Variants in HERC2 observed in about 807,000 individuals in gnomAD.
HERC2 encodes E3 ubiquitin-protein ligase HERC2.
Under a neutral mutation model 537.7 loss-of-function variants are expected in HERC2, and 102 were observed. That is an observed-to-expected ratio of 0.19 (90% CI 0.16 to 0.22). The LOEUF (loss-of-function observed/expected upper bound fraction) is 0.22. Among genes scored for constraint, HERC2 ranks in the 10% least tolerant of loss-of-function variants. The pLI, the probability that HERC2 is intolerant of heterozygous loss-of-function variation, is 1.00. For missense variants in HERC2, 4,236 were observed against 6,198.2 expected (o/e 0.68, Z 10.63); for synonymous variants, 2,224 against 2,466.2 (o/e 0.90, Z 2.91).
intron 39 of HERC2, 81 bp from the exon 40 acceptor site, chr15:28,214,883 AT>A: frequency 1.6e-6 from 2 of 1,266,748 alleles, no homozygotes; most frequent in African/African-American, 1.5e-5. Context: ...TTTATTTTTT[AT>A]TTTTTTGAGA....
chr15:28,243,016 C>T (rs1319287663), intron 23 of HERC2, among the ~76,000 whole-genome samples: 3 of 152,302 alleles, frequency 2.0e-5, no homozygotes, highest in Admixed American at 2.0e-4. Context: ...TACACTGTCA[C>T]CATTTCTACT....
Position 28,270,293 on chromosome 15 carries a change from GATATATA to G in HERC2, c.1257+395_1257+401del, listed in dbSNP as rs769991545. On this transcript the variant is annotated intron_variant, in intron 10 of 92. Transcript: ENST00000261609. ...GACAGACAGACAGACATGTAATATA[GATATATA>G]ATATATAATATATAACATATAATTA... is the stretch of plus-strand genomic sequence containing the variant. 2.9e-3 allele frequency among the ~76,000 whole-genome samples: 444 copies of G among 150,838 alleles called. 8 individuals carry two copies. The highest frequency in any genetic ancestry group is 3.5e-3 in the Non-Finnish European group (234 of 67,770).
At chr15:28,114,446 G>A (rs764951190) in intron 90 of HERC2, among the ~76,000 whole-genome samples, 166 bp downstream of exon 90, 26 of 152,248 alleles carry the variant, frequency 1.7e-4, no homozygotes, top group Middle Eastern at 3.4e-3. Context: ...AATAAATACC[G>A]ACCCTGATCA....
At chr15:28,187,127 G>A (rs76297514) in intron 55 of HERC2, among the ~76,000 whole-genome samples, 71 of 152,170 alleles carry the variant, frequency 4.7e-4, no homozygotes, top group Non-Finnish European at 6.0e-4. Context: ...ACCTTTCATC[G>A]TTTTTAAAAC....
chr15:28,170,605 A>G (rs550759406), intron 65 of HERC2, among the ~76,000 whole-genome samples: 7 of 152,370 alleles, frequency 4.6e-5, no homozygotes, highest in African/African-American at 1.7e-4. Flanking sequence ...ACTAGGCAAA[A>G]ATATACTTAG....
rs749156070 is a variant in HERC2 at position 28,167,765 on chromosome 15, G to A, written c.10476C>T (p.Ser3492=). The A allele has an allele frequency of 2.2e-5, 35 of 1,614,180 alleles. No individual in the cohort carries two copies. The East Asian group carries it at 2.5e-4, about 11-fold the overall frequency. ...SAVTPSAPSA[S]ARPFIPVTDD... The stretch of plus-strand genomic sequence containing the variant: ...CCGTCACTGGGATAAAAGGCCGAGC[G>A]GAGGCTGAGGGGGCCGACGGAGTCA... The change falls in exon 68 of 93, where the codon TCC becomes TCT. Residue 3492 remains serine (S), a synonymous_variant. Coordinates refer to ENST00000261609, the MANE Select transcript of HERC2 (RefSeq NM_004667.6).
intron 21 of HERC2, among the ~76,000 whole-genome samples, chr15:28,247,421 C>CTT (rs71132843): frequency 6.7e-3 from 511 of 76,136 alleles, no homozygotes; most frequent in Admixed American, 8.9e-3. Context: ...CTACATGGTT[C>CTT]TTTTTTTTTT....
At position 28,163,255 on chromosome 15, in the gene HERC2, G is replaced by A. The variant is rs754366545; in HGVS notation, c.10585C>T (p.Pro3529Ser). ...DVESQNKAAG[P>S]EPQALDEFTS... ...AACTCATCCAAGGCCTGAGGCTCCGGACCTGCTGCTTTATTTTGGCTTTCA... is the reference window on the plus strand; with the variant it reads ...AACTCATCCAAGGCCTGAGGCTCCGAACCTGCTGCTTTATTTTGGCTTTCA... Residue 3529 changes from proline (P) to serine (S), a missense_variant, in exon 69 of 93, where the codon CCG becomes TCG. This residue lies in a region of HERC2 where 356 missense variants were observed against 450.9 expected (regional missense o/e 0.79). Coordinates refer to ENST00000261609, the MANE Select transcript of HERC2 (RefSeq NM_004667.6). 6.2e-7 allele frequency: 1 copy of A among 1,613,494 alleles called. No individual in the cohort carries two copies. Among genetic ancestry groups the A allele is most frequent in the Non-Finnish European group, 8.5e-7 (1 of 1,179,988 alleles).
chr15:28,258,657 A>G (rs2140913202), intron 16 of HERC2, among the ~76,000 whole-genome samples: 2 of 152,332 alleles, frequency 1.3e-5, no homozygotes, highest in Middle Eastern at 6.8e-3. Context: ...CTAAATCAGC[A>G]ATCTAAGTTT....
intron 26 of HERC2, among the ~76,000 whole-genome samples, chr15:28,235,273 C>G (rs1335778734): frequency 6.6e-6 from 1 of 152,152 alleles, no homozygotes; most frequent in Non-Finnish European, 1.5e-5. Context: ...GACAGCCCCT[C>G]CTTACTGCTC....
intron 23 of HERC2, among the ~76,000 whole-genome samples, chr15:28,245,561 ATAT>A (rs1273546272): frequency 7.2e-5 from 6 of 82,994 alleles, no homozygotes; most frequent in African/African-American, 2.6e-4. Flanking sequence ...AAAAAAAAAA[ATAT>A]ATACACACAC....
intron 4 of HERC2, among the ~76,000 whole-genome samples, chr15:28,291,875 A>G (rs1469571497): frequency 7.6e-6 from 1 of 132,386 alleles, no homozygotes; most frequent in East Asian, 2.3e-4. Flanking sequence ...ACTGTACTCC[A>G]GCCTGGGCGA....
At chr15:28,166,038 A>G (rs1894105905) in intron 68 of HERC2, among the ~76,000 whole-genome samples, 1 of 152,216 alleles carries the variant, frequency 6.6e-6, no homozygotes, top group South Asian at 2.1e-4. Flanking sequence ...AAAGTAAGGA[A>G]ATACTCAAAG....
At chr15:28,168,060 T>C (rs1182763484) in intron 67 of HERC2, among the ~76,000 whole-genome samples, 1 of 152,168 alleles carries the variant, frequency 6.6e-6, no homozygotes. Flanking sequence ...TAACTATTAA[T>C]ATTCACAGCA....
intron 39 of HERC2, among the ~76,000 whole-genome samples, chr15:28,215,010 G>A (rs978298141): frequency 6.6e-6 from 1 of 152,090 alleles, no homozygotes; most frequent in Non-Finnish European, 1.5e-5. Context: ...GAGTAGCAGG[G>A]ATTACAGGCA....
intron 83 of HERC2, among the ~76,000 whole-genome samples, chr15:28,125,661 C>A (rs1225303838): frequency 6.6e-6 from 1 of 152,182 alleles, no homozygotes; most frequent in Non-Finnish European, 1.5e-5. Flanking sequence ...AAGAAAAAGT[C>A]TGTTTTATTT....
chr15:28,132,911 A>G (rs1454455112), intron 79 of HERC2, 81 bp from the exon 80 acceptor site: 8 of 1,116,174 alleles, frequency 7.2e-6, no homozygotes, highest in Non-Finnish European at 8.7e-6. Context: ...CTCTCAATCT[A>G]CACCTTCCTA....
chr15:28,183,355 C>T (rs1208110045), intron 56 of HERC2, among the ~76,000 whole-genome samples: 1 of 151,772 alleles, frequency 6.6e-6, no homozygotes, highest in Non-Finnish European at 1.5e-5. Context: ...CACTATAGGC[C>T]TGCACCATCA....
chr15:28,292,748 G>A, intron 4 of HERC2, 140 bp downstream of exon 4: 1 of 836,558 alleles, frequency 1.2e-6, no homozygotes, highest in South Asian at 1.7e-5. Context: ...TTTATGGTAT[G>A]TATATTTTAC....
Sources: allele counts gnomAD v4.1 joint callset (sites outside exome capture counted in the v4.1 genomes callset), GRCh38; gene constraint gnomAD v4.1.1; regional missense constraint gnomAD v4.1.1; transcripts MANE v1.5; gene names NCBI Gene and HGNC (gene_info 2026-07-23, HGNC 2026-07-21).